MSRB3: variants seen among roughly 807,000 people sequenced by gnomAD.
MSRB3 encodes the protein methionine-R-sulfoxide reductase B3.
A neutral mutation model predicts 21.0 loss-of-function variants in MSRB3; 13 were observed. That is an observed-to-expected ratio of 0.62 (90% CI 0.40 to 0.98). MSRB3 has a LOEUF of 0.98. MSRB3 is among the 50% of genes least tolerant of loss of function. The pLI, the probability that MSRB3 is intolerant of heterozygous loss-of-function variation, is 0.00. For synonymous variants in MSRB3, 87 were observed against 88.6 expected (o/e 0.98, Z 0.10); for missense variants, 199 against 230.3 (o/e 0.86, Z 0.88).
intron 4 of MSRB3, among the ~76,000 whole-genome samples, chr12:65,345,488 C>G (rs1193554500): frequency 6.6e-6 from 1 of 152,090 alleles, no homozygotes; most frequent in African/African-American, 2.4e-5. Flanking sequence ...AGAATTTTTT[C>G]ACCACAGAAA....
At chr12:65,371,619 A>C (rs944672741) in intron 5 of MSRB3, among the ~76,000 whole-genome samples, 6 of 151,466 alleles carry the variant, frequency 4.0e-5, no homozygotes, top group Admixed American at 2.0e-4. Context: ...CCACACCCCC[A>C]CCACACACAC....
chr12:65,342,838 A>G (rs1485307458), intron 4 of MSRB3, among the ~76,000 whole-genome samples: 1 of 152,080 alleles, frequency 6.6e-6, no homozygotes, highest in East Asian at 1.9e-4. Context: ...TTATAAGTCT[A>G]AAAGAGTATT....
At chr12:65,353,549 C>T (rs539674216) in intron 4 of MSRB3, among the ~76,000 whole-genome samples, 2 of 152,054 alleles carry the variant, frequency 1.3e-5, no homozygotes, top group African/African-American at 4.8e-5. Flanking sequence ...GATTGCAACC[C>T]CTGCCTTTTT....
At position 65,380,186 on chromosome 12, in the gene MSRB3, T is replaced by A. The variant is rs778714724; in HGVS notation, c.292+11160T>A. Among the ~76,000 whole-genome samples the A allele has an allele frequency of 1.2e-4, 19 of 152,244 alleles. 2 individuals carry two copies. In the Middle Eastern group the frequency reaches 0.01, roughly 82 times the overall value. On this transcript the variant is annotated intron_variant, in intron 5 of 6. Coordinates refer to ENST00000308259, the MANE Select transcript of MSRB3 (RefSeq NM_001031679.3). ...GGATAGATATAAATAAAGAGGAAGA[T>A]AATTTTAAATAGAGGGCCCCTTAAG...
chr12:65,282,469 A>G (rs546786683), intron 1 of MSRB3, among the ~76,000 whole-genome samples: 25 of 152,218 alleles, frequency 1.6e-4, no homozygotes, highest in Non-Finnish European at 2.6e-4. Context: ...AATTGACTTT[A>G]TGAAAGATTT....
rs1246727315 is a variant in MSRB3, at chr12:65,466,894, T to G, written c.*3572T>G. 1 of 152,230 alleles carries G rather than the reference T, an allele frequency of 6.6e-6. No individual in the cohort carries two copies. The highest frequency in any genetic ancestry group is 1.9e-4 in the East Asian group (1 of 5,196). 9.4% of individuals were successfully genotyped at this position (152,230 alleles called of 1,614,324 possible). A position where few individuals can be genotyped will look rare whatever the true frequency, so the allele number is the denominator to read the frequency against. On this transcript the variant is annotated 3_prime_UTR_variant, in exon 7 of 7. Transcript: ENST00000308259. ...TATACAAGAATTATGCAATAAAATT[T>G]CTTTATAAAAATATTTTCTTCTTTG...
intron 5 of MSRB3, among the ~76,000 whole-genome samples, chr12:65,402,001 C>T (rs1446113586): frequency 6.6e-6 from 1 of 152,122 alleles, no homozygotes; most frequent in Non-Finnish European, 1.5e-5. Context: ...GATGGGCTTC[C>T]CTTTGTGAGT....
chr12:65,422,417 TATATATATATA>T (rs1565885100), intron 5 of MSRB3, among the ~76,000 whole-genome samples: 34 of 44,294 alleles, frequency 7.7e-4, no homozygotes, highest in Non-Finnish European at 1.3e-3. Flanking sequence ...TATATATATA[TATATATATATA>T]TATTTATTTA....
intron 2 of MSRB3, among the ~76,000 whole-genome samples, chr12:65,311,710 C>A (rs2136427585): frequency 6.6e-6 from 1 of 152,116 alleles, no homozygotes; most frequent in East Asian, 1.9e-4. Flanking sequence ...CAACAGAAAT[C>A]TCTGTAAATC....
chr12:65,432,199 A>G (rs1001021428), intron 5 of MSRB3, among the ~76,000 whole-genome samples: 2 of 36,800 alleles, frequency 5.4e-5, no homozygotes, highest in African/African-American at 1.2e-4. Flanking sequence ...TTGAGAGTAG[A>G]AAAAAATCAA....
At position 65,340,771 on chromosome 12, in the gene MSRB3, A is replaced by G. The variant is rs540881186; in HGVS notation, c.263+12168A>G. On this transcript the variant is annotated intron_variant, in intron 4 of 6. Coordinates refer to ENST00000308259, the MANE Select transcript of MSRB3 (RefSeq NM_001031679.3). Reference sequence around the variant, plus strand: ...AGATAAAACCACAGAGATGGAAAAAACTATTTTAACGTAAGAGAATACTAT... The same window carrying G: ...AGATAAAACCACAGAGATGGAAAAAGCTATTTTAACGTAAGAGAATACTAT... Among the ~76,000 whole-genome samples, 23 of 152,182 alleles carry G rather than the reference A, an allele frequency of 1.5e-4. No individual in the cohort carries two copies. In the South Asian group the frequency reaches 4.6e-3, roughly 30 times the overall value.
intron 5 of MSRB3, among the ~76,000 whole-genome samples, chr12:65,402,687 G>A (rs1880195658): frequency 6.6e-6 from 1 of 152,192 alleles, no homozygotes; most frequent in African/African-American, 2.4e-5. Context: ...TGGAGGAGAA[G>A]AGGCATTCTG....
chr12:65,447,400 CTAAAA>C (rs1302735823), intron 5 of MSRB3, among the ~76,000 whole-genome samples: 4 of 151,962 alleles, frequency 2.6e-5, no homozygotes, highest in Admixed American at 2.6e-4. Flanking sequence ...CATAGAAAAA[CTAAAA>C]TAAAACAACT....
At chr12:65,430,297 T>C (rs1881814433) in intron 5 of MSRB3, among the ~76,000 whole-genome samples, 1 of 152,186 alleles carries the variant, frequency 6.6e-6, no homozygotes, top group African/African-American at 2.4e-5. Context: ...AATAGAAGGA[T>C]GCAGACTGAT....
At chr12:65,373,102 ATGAGGGTGAAAAGAC>A (rs1001148801) in intron 5 of MSRB3, among the ~76,000 whole-genome samples, 28 of 152,190 alleles carry the variant, frequency 1.8e-4, no homozygotes, top group African/African-American at 6.8e-4. Flanking sequence ...AAAGTGAAGG[ATGAGGGTGAAAAGAC>A]CAGGAGTTGG....
intron 4 of MSRB3, among the ~76,000 whole-genome samples, chr12:65,344,684 A>G (rs191582555): frequency 1.3e-5 from 2 of 151,906 alleles, no homozygotes; most frequent in African/African-American, 2.4e-5. Flanking sequence ...GTGAAGAGAC[A>G]TTTTTTTACT....
At chr12:65,317,492 A>G (rs1337238110) in intron 2 of MSRB3, among the ~76,000 whole-genome samples, 1 of 152,172 alleles carries the variant, frequency 6.6e-6, no homozygotes, top group African/African-American at 2.4e-5. Context: ...TGTCACCTAG[A>G]TTTGCCTAAT....
chr12:65,328,521 A>T lies in MSRB3; in HGVS notation c.186-5A>T. The T allele has an allele frequency of 1.9e-6, 3 of 1,593,692 alleles. No individual in the cohort carries two copies. The highest frequency in any genetic ancestry group is 2.2e-5 in the East Asian group (1 of 44,654). On this transcript the variant is annotated splice_region_variant and splice_polypyrimidine_tract_variant and intron_variant, in intron 3 of 6. Coordinates refer to ENST00000308259, the MANE Select transcript of MSRB3 (RefSeq NM_001031679.3). ...AATTTTTTAAATGATCTGTTTATTT[A>T]TCAGTGCCTTTGAAGGAGAATACAC...
At chr12:65,337,667 TG>T (rs1231851924) in intron 4 of MSRB3, among the ~76,000 whole-genome samples, 72 of 152,234 alleles carry the variant, frequency 4.7e-4, no homozygotes, top group African/African-American at 1.7e-3. Flanking sequence ...TTTAAATAAA[TG>T]TACACAGTAA....
Sources: allele counts gnomAD v4.1 joint callset (sites outside exome capture counted in the v4.1 genomes callset), GRCh38; gene constraint gnomAD v4.1.1; transcripts MANE v1.5; gene names NCBI Gene and HGNC (gene_info 2026-07-23, HGNC 2026-07-21).